Variants in DLGAP1 observed in about 807,000 individuals in gnomAD.
DLGAP1 encodes DLG associated protein 1.
Under a neutral mutation model 90.8 loss-of-function variants are expected in DLGAP1, and 11 were observed. That is an observed-to-expected ratio of 0.12 (90% confidence interval 0.08 to 0.20). The LOEUF (loss-of-function observed/expected upper bound fraction) is 0.20, where lower values mean the gene tolerates loss of function less well. Ranked by LOEUF, DLGAP1 falls within the 10% of genes least tolerant of loss-of-function variation. The pLI, the probability that DLGAP1 is intolerant of heterozygous loss-of-function variation, is 1.00. For missense variants in DLGAP1, 1,050 were observed against 1,333.8 expected, an observed-to-expected ratio of 0.79 and a Z score of 3.31; for synonymous variants, 558 against 540.7, an observed-to-expected ratio of 1.03 and a Z score of -0.44.
At chr18:3,544,507 G>A (rs1343633967) in intron 9 of DLGAP1, among the ~76,000 whole-genome samples, 1 of 151,832 alleles carries the variant, frequency 6.6e-6, no homozygotes, top group Non-Finnish European at 1.5e-5. Context: ...TTAACCCATG[G>A]GCTACTTAGA....
intron 1 of DLGAP1, among the ~76,000 whole-genome samples, chr18:4,177,031 G>A (rs2077121033): frequency 6.6e-6 from 1 of 152,154 alleles, no homozygotes; most frequent in Admixed American, 6.5e-5. Flanking sequence ...AGCTTCACCA[G>A]GATTGGCAGT....
intron 1 of DLGAP1, among the ~76,000 whole-genome samples, chr18:4,365,149 C>T (rs1028217892): frequency 6.6e-6 from 1 of 152,080 alleles, no homozygotes; most frequent in Admixed American, 6.6e-5. Flanking sequence ...TTTATTTCAA[C>T]CTGAATGAAA....
chr18:4,179,147 G>T (rs1378745957), intron 1 of DLGAP1, among the ~76,000 whole-genome samples: 2 of 152,130 alleles, frequency 1.3e-5, no homozygotes, highest in East Asian at 1.9e-4. Flanking sequence ...TTAAGACAAA[G>T]AAATACGGTT....
At chr18:3,529,171 A>G (rs1184722710) in intron 10 of DLGAP1, among the ~76,000 whole-genome samples, 2 of 152,212 alleles carry the variant, frequency 1.3e-5, no homozygotes, top group African/African-American at 2.4e-5. Context: ...ATAGTAAGAC[A>G]GGGGGCCTAT....
chr18:4,355,216 G>C (rs2144029128), intron 1 of DLGAP1, among the ~76,000 whole-genome samples: 1 of 152,244 alleles, frequency 6.6e-6, no homozygotes, highest in South Asian at 2.1e-4. Context: ...CCAAAAACTG[G>C]AACCAGTCCA....
At chr18:4,135,851 TTTA>T (rs1348078572) in intron 2 of DLGAP1, among the ~76,000 whole-genome samples, 2 of 151,322 alleles carry the variant, frequency 1.3e-5, no homozygotes, top group Non-Finnish European at 2.9e-5. Context: ...CACATTTTCT[TTTA>T]TTATTATTCT....
intron 5 of DLGAP1, among the ~76,000 whole-genome samples, chr18:3,763,681 G>C (rs910501314): frequency 1.6e-5 from 2 of 122,948 alleles, no homozygotes; most frequent in African/African-American, 6.2e-5. Flanking sequence ...TTTTTTTTTT[G>C]AGACGGAGTT....
At chr18:3,534,850 T>G (rs1168013629) in intron 9 of DLGAP1, among the ~76,000 whole-genome samples, 2 of 151,566 alleles carry the variant, frequency 1.3e-5, no homozygotes, top group Non-Finnish European at 2.9e-5. Flanking sequence ...TGCCACCACA[T>G]CTGGTTAATT....
chr18:3,980,932 A>G (rs1405493960), intron 3 of DLGAP1, among the ~76,000 whole-genome samples: 4 of 152,330 alleles, frequency 2.6e-5, no homozygotes, highest in African/African-American at 9.6e-5. Context: ...CAAGTATACA[A>G]TGCATCTTTA....
intron 1 of DLGAP1, among the ~76,000 whole-genome samples, chr18:4,274,072 C>CTT (rs368972140): frequency 5.6e-5 from 8 of 142,282 alleles, no homozygotes; most frequent in African/African-American, 2.0e-4. Flanking sequence ...GTTTAGTTTG[C>CTT]TTTTTTTTTT....
At chr18:4,213,127 A>G (rs1417835164) in intron 1 of DLGAP1, among the ~76,000 whole-genome samples, 2 of 152,230 alleles carry the variant, frequency 1.3e-5, no homozygotes, top group African/African-American at 4.8e-5. Context: ...TATAAAGATT[A>G]ATGAGATACA....
intron 7 of DLGAP1, among the ~76,000 whole-genome samples, chr18:3,619,177 A>C (rs1423107752): frequency 6.6e-6 from 1 of 152,180 alleles, no homozygotes; most frequent in Non-Finnish European, 1.5e-5. Flanking sequence ...CTGTTGTTTA[A>C]GGCACCCCAT....
Position 3,563,219 on chromosome 18 carries a change from A to G in DLGAP1, c.2057+4271T>C, listed in dbSNP as rs117961976. Among the ~76,000 whole-genome samples the G allele has an allele frequency of 5.6e-3, 847 of 152,232 alleles. 32 individuals are homozygous for G. The East Asian group carries it at 0.07, about 13-fold the overall frequency. ...AGTCTTATTTTTCTGAAGTTTGAAT[A>G]TGATATGCTTAGGTGTAGTTTTTTG... On this transcript the variant is annotated intron_variant, in intron 9 of 12. Coordinates refer to ENST00000315677, the MANE Select transcript of DLGAP1 (RefSeq NM_004746.4).
chr18:4,098,281 A>C (rs2075718018), intron 2 of DLGAP1, among the ~76,000 whole-genome samples: 1 of 152,260 alleles, frequency 6.6e-6, no homozygotes, highest in South Asian at 2.1e-4. Flanking sequence ...TGTCTATTAA[A>C]ATCTACAGAG....
intron 1 of DLGAP1, among the ~76,000 whole-genome samples, chr18:4,208,118 C>A (rs1205003341): frequency 2.0e-5 from 3 of 152,154 alleles, no homozygotes; most frequent in Non-Finnish European, 4.4e-5. Context: ...ATGAAAATTG[C>A]TCTATTCTTG....
intron 2 of DLGAP1, among the ~76,000 whole-genome samples, chr18:4,083,558 AC>A (rs1306664247): frequency 6.6e-6 from 1 of 152,210 alleles, no homozygotes; most frequent in East Asian, 1.9e-4. Flanking sequence ...AGCCATTCTT[AC>A]ATGGTTACCA....
chr18:3,655,913 G>C, intron 7 of DLGAP1: 1 of 625,030 alleles, frequency 1.6e-6, no homozygotes, highest in East Asian at 2.9e-5. Context: ...GGAGGGCTGA[G>C]AGCTTTGCAG....
chr18:4,154,161 CAA>C (rs1319377393), intron 1 of DLGAP1, among the ~76,000 whole-genome samples: 1 of 151,824 alleles, frequency 6.6e-6, no homozygotes, highest in Non-Finnish European at 1.5e-5. Context: ...CTCCTGGGCT[CAA>C]GTGTTCCTCC....
At position 4,454,408 on chromosome 18, in the gene DLGAP1, C is replaced by CTCTCTA. The variant is rs1007935059; in HGVS notation, c.-267+597_-267+598insTAGAGA. Among the ~76,000 whole-genome samples the CTCTCTA allele has an allele frequency of 2.0e-4, 29 of 147,610 alleles. No homozygotes were observed. The highest frequency in any genetic ancestry group is 4.2e-4 in the South Asian group (2 of 4,786). Reference sequence around the variant, plus strand: ...GTGACCTCCTCCTTGGACCCCATTTCTCTCTCTCTCTCTCTCTCTGTGCCT... The same window carrying CTCTCTA: ...GTGACCTCCTCCTTGGACCCCATTTCTCTCTATCTCTCTCTCTCTCTCTCTGTGCCT... On this transcript the variant is annotated intron_variant, in intron 1 of 12. Coordinates refer to ENST00000315677, the MANE Select transcript of DLGAP1 (RefSeq NM_004746.4). The surrounding 1 kb of genome is among the most constrained non-coding windows in gnomAD (Gnocchi z 4.7).
Sources: gnomAD v4.1 joint callset for allele counts (sites outside exome capture counted in the v4.1 genomes callset) on GRCh38, gnomAD v4.1.1 for gene constraint, Gnocchi (gnomAD v3.1) non-coding constraint, MANE v1.5 for transcripts, NCBI Gene and HGNC (gene_info 2026-07-23, HGNC 2026-07-21) for gene names.